The following SRC variants were observed in gnomAD, a reference collection of about 807,000 sequenced individuals.
The protein encoded by SRC is SRC proto-oncogene, non-receptor tyrosine kinase.
A neutral mutation model predicts 62.9 loss-of-function variants in SRC; 13 were observed. The observed-to-expected ratio is 0.21, with a 90% CI of 0.13 to 0.33. The LOEUF (loss-of-function observed/expected upper bound fraction) is 0.33, where lower values mean the gene tolerates loss of function less well. Among genes scored for constraint, SRC ranks in the 10% least tolerant of loss-of-function variants. The probability of loss-of-function intolerance (pLI) is 1.00; values close to 1 mark genes in which losing one functional copy is unlikely to be tolerated. For synonymous variants in SRC, 302 were observed against 317.5 expected, an observed-to-expected ratio of 0.95 and a Z score of 0.52; for missense variants, 457 against 737.3, an observed-to-expected ratio of 0.62 and a Z score of 4.40.
intron 1 of SRC, among the ~76,000 whole-genome samples, chr20:37,353,515 T>C (rs962289357): frequency 5.9e-5 from 9 of 152,216 alleles, no homozygotes; most frequent in African/African-American, 2.2e-4. Context: ...GAAGGAGCAA[T>C]GAGCCACCGT....
chr20:37,379,480 C>T (rs2070328189), intron 2 of SRC, among the ~76,000 whole-genome samples: 1 of 151,996 alleles, frequency 6.6e-6, no homozygotes, highest in Non-Finnish European at 1.5e-5. Context: ...AGACTAACTC[C>T]CACCCTCACT....
At chr20:37,395,066 C>T (rs955827148) in intron 7 of SRC, among the ~76,000 whole-genome samples, 4 of 152,202 alleles carry the variant, frequency 2.6e-5, no homozygotes, top group African/African-American at 9.7e-5. Context: ...CGTGTATGGA[C>T]ATGTGGCTGG....
In SRC at chr20:37,402,632, G is replaced by T. The variant is rs944554746; in HGVS notation, c.1270+44G>T. ...GTATGTCGCGCTTGGCCTGGGACAG[G>T]TCACGTCCCGCTCTGAGCCCCAGTT... is the stretch of plus-strand genomic sequence containing the variant. On this transcript the variant is annotated intron_variant, in intron 12 of 13. Coordinates refer to ENST00000373578, the MANE Select transcript of SRC (RefSeq NM_198291.3). This position sits in a 1 kb window ranked among gnomAD's most constrained non-coding sequence, Gnocchi z 6.2. The T allele has an allele frequency of 1.3e-6, 2 of 1,585,130 alleles. No homozygotes were observed. Among genetic ancestry groups the T allele is most frequent in the Non-Finnish European group, 1.7e-6 (2 of 1,163,186 alleles).
rs1340795114 is a variant in SRC at position 37,404,204 on chromosome 20, G to A, written c.*825G>A. ...GACTGGGACAGCCCAGGAAACAAGGGGTCTGAGGATGCATTCGAGATGGCA... is the reference window on the plus strand; with the variant it reads ...GACTGGGACAGCCCAGGAAACAAGGAGTCTGAGGATGCATTCGAGATGGCA... On this transcript the variant is annotated 3_prime_UTR_variant, in exon 14 of 14. Coordinates refer to ENST00000373578, the MANE Select transcript of SRC (RefSeq NM_198291.3). 1 of 233,558 alleles carries A rather than the reference G, an allele frequency of 4.3e-6. No homozygotes were observed. The highest frequency in any genetic ancestry group is 6.0e-5 in the East Asian group (1 of 16,604). The allele number at this position is 233,558 out of a possible 1,614,324, so 14.5% of individuals were successfully genotyped here.
At chr20:37,394,418 C>T (rs543130638) in intron 7 of SRC, 141 bp downstream of exon 7, 84 of 688,934 alleles carry the variant, frequency 1.2e-4, no homozygotes, top group Middle Eastern at 7.2e-4. Flanking sequence ...GGATCAAAGT[C>T]AGGGAGGTGC....
At chr20:37,369,572 T>TATATAAG (rs2070128669) in intron 2 of SRC, among the ~76,000 whole-genome samples, 1 of 152,122 alleles carries the variant, frequency 6.6e-6, no homozygotes, top group African/African-American at 2.4e-5. Flanking sequence ...AAGATCATAT[T>TATATAAG]ATCTGCAAAA....
intron 2 of SRC, among the ~76,000 whole-genome samples, chr20:37,368,518 C>CTTTTTTTTTTTGTTTTTTTTTTTTTTT (rs2070102019): frequency 1.4e-5 from 1 of 73,898 alleles, no homozygotes; most frequent in Non-Finnish European, 2.7e-5. Flanking sequence ...CCTATATTTT[C>CTTTTTTTTTTTGTTTTTTTTTTTTTTT]TTTTTTTTTT....
chr20:37,386,538 C>A (rs1424890429), intron 5 of SRC: 1 of 705,976 alleles, frequency 1.4e-6, no homozygotes, highest in Non-Finnish European at 2.6e-6. Flanking sequence ...GTGGGGGCTG[C>A]TGTCTGCATG....
chr20:37,396,383 A>G lies in SRC; in HGVS notation c.703+72A>G, dbSNP rs2070651512. 1.3e-6 allele frequency: 2 copies of G among 1,574,448 alleles called. No homozygotes were observed. Among genetic ancestry groups the G allele is most frequent in the South Asian group, 1.1e-5 (1 of 88,702 alleles). ...TGCAGACTCTGGGGAGGGGCCTTGG[A>G]GCCTAGAAGGGTGGGGACTTCTGTT... On this transcript the variant is annotated intron_variant, in intron 8 of 13. Transcript: ENST00000373578. The surrounding 1 kb of genome is among the most constrained non-coding windows in gnomAD (Gnocchi z 6.1).
In SRC at chr20:37,402,394, T is replaced by G. The variant is rs563018907; in HGVS notation, c.1117-41T>G. On this transcript the variant is annotated intron_variant, in intron 11 of 13. Coordinates refer to ENST00000373578, the MANE Select transcript of SRC (RefSeq NM_198291.3). This position sits in a 1 kb window ranked among gnomAD's most constrained non-coding sequence, Gnocchi z 6.2. ...AGTGCTCTGTGGCCCTGGGAGGGCA[T>G]GGGTGGCACCTGAGCCAGGCTCCCA... 1 of 1,598,740 alleles carries G rather than the reference T, an allele frequency of 6.3e-7. No individual in the cohort carries two copies. Among genetic ancestry groups the G allele is most frequent in the East Asian group, 2.2e-5 (1 of 44,596 alleles).
At position 37,397,680 on chromosome 20, in the gene SRC, C is replaced by A; in HGVS notation, c.704-19C>A. On this transcript the variant is annotated intron_variant, in intron 8 of 13. Coordinates refer to ENST00000373578, the MANE Select transcript of SRC (RefSeq NM_198291.3). The surrounding 1 kb of genome is among the most constrained non-coding windows in gnomAD (Gnocchi z 4.1). The stretch of plus-strand genomic sequence containing the variant: ...AGGGCAGAAGACCCGCCTAACTGCT[C>A]CTCCTGCCTCCTCCTCAGAACACGC... 1 of 1,542,406 alleles carries A rather than the reference C, an allele frequency of 6.5e-7. No homozygotes were observed. The highest frequency in any genetic ancestry group is 8.8e-7 in the Non-Finnish European group (1 of 1,141,298).
At chr20:37,349,969 A>G (rs2069779083) in intron 1 of SRC, among the ~76,000 whole-genome samples, 1 of 152,216 alleles carries the variant, frequency 6.6e-6, no homozygotes, top group Admixed American at 6.5e-5. Flanking sequence ...CCCAGTTGCC[A>G]AGTGACAGGG....
intron 1 of SRC, among the ~76,000 whole-genome samples, chr20:37,346,516 A>T (rs2069723401): frequency 6.7e-6 from 1 of 148,966 alleles, no homozygotes; most frequent in Non-Finnish European, 1.5e-5. Flanking sequence ...CTGCGTGGGG[A>T]CCCCCTCCAG....
chr20:37,360,180 A>G (rs542045787), intron 1 of SRC, among the ~76,000 whole-genome samples: 4 of 150,876 alleles, frequency 2.7e-5, no homozygotes, highest in Non-Finnish European at 5.9e-5. Context: ...AAGTCCATGT[A>G]AAAAATGTGA....
At chr20:37,375,701 C>T (rs1004458138) in intron 2 of SRC, among the ~76,000 whole-genome samples, 1 of 152,144 alleles carries the variant, frequency 6.6e-6, no homozygotes, top group South Asian at 2.1e-4. Flanking sequence ...ATTGTATTGG[C>T]AAGTATCTTA....
intron 1 of SRC, among the ~76,000 whole-genome samples, chr20:37,358,290 C>T (rs1286775938): frequency 1.3e-5 from 2 of 152,136 alleles, no homozygotes; most frequent in Admixed American, 6.5e-5. Context: ...TGTGTGGGCC[C>T]GGGCTCTGGC....
At chr20:37,363,266 T>C (rs2070005522) in intron 1 of SRC, among the ~76,000 whole-genome samples, 1 of 152,164 alleles carries the variant, frequency 6.6e-6, no homozygotes, top group African/African-American at 2.4e-5. Context: ...GCATTGAACA[T>C]ATCCCTCTCA....
Position 37,397,647 on chromosome 20 carries a change from G to T in SRC, c.704-52G>T. On this transcript the variant is annotated intron_variant, in intron 8 of 13. Coordinates refer to ENST00000373578, the MANE Select transcript of SRC (RefSeq NM_198291.3). This position sits in a 1 kb window ranked among gnomAD's most constrained non-coding sequence, Gnocchi z 4.1. ...AGGGCGACACACACTGAGGGGCAGG[G>T]AGGCCCCAGGGCAGAAGACCCGCCT... 6.7e-7 allele frequency: 1 copy of T among 1,499,846 alleles called. No individual in the cohort carries two copies. The highest frequency in any genetic ancestry group is 1.4e-5 in the South Asian group (1 of 73,958). The allele number at this position is 1,499,846 out of a possible 1,614,324, so 92.9% of individuals were successfully genotyped here. A position where few individuals can be genotyped will look rare whatever the true frequency, so the allele number is the denominator to read the frequency against.
At chr20:37,353,943 T>C (rs2069843414) in intron 1 of SRC, among the ~76,000 whole-genome samples, 1 of 152,166 alleles carries the variant, frequency 6.6e-6, no homozygotes, top group Non-Finnish European at 1.5e-5. Context: ...ATCTGAAAAA[T>C]GAGCCTAGTG....
Sources: allele counts gnomAD v4.1 joint callset (sites outside exome capture counted in the v4.1 genomes callset), GRCh38; gene constraint gnomAD v4.1.1; non-coding constraint Gnocchi (gnomAD v3.1); transcripts MANE v1.5; gene names NCBI Gene and HGNC (gene_info 2026-07-23, HGNC 2026-07-21).